The following NXPH1 variants were observed in gnomAD, a reference collection of about 807,000 sequenced individuals.
NXPH1 encodes the protein neurexophilin-1.
In NXPH1, 5 loss-of-function variants were observed where a neutral mutation model predicts 23.7. The observed-to-expected ratio is 0.21, with a 90% CI of 0.11 to 0.44. The LOEUF is 0.44. Among genes scored for constraint, NXPH1 ranks in the 20% least tolerant of loss-of-function variants. The pLI, the probability that NXPH1 is intolerant of heterozygous loss-of-function variation, is 0.99. For missense variants in NXPH1, 324 were observed against 321.6 expected, an observed-to-expected ratio of 1.01 and a Z score of -0.06; for synonymous variants, 144 against 122.2, an observed-to-expected ratio of 1.18 and a Z score of -1.18.
At chr7:8,579,563 G>A (rs1187279134) in intron 2 of NXPH1, among the ~76,000 whole-genome samples, 3 of 151,936 alleles carry the variant, frequency 2.0e-5, no homozygotes, top group Non-Finnish European at 4.4e-5. Flanking sequence ...GCAGAGACGG[G>A]GTTTCTCCAT....
chr7:8,681,263 GT>G (rs1490986840), intron 2 of NXPH1, among the ~76,000 whole-genome samples: 2 of 152,092 alleles, frequency 1.3e-5, no homozygotes, highest in Admixed American at 1.3e-4. Flanking sequence ...ATATATAAGC[GT>G]TTATCTTCCG....
At chr7:8,591,771 A>T (rs1338186314) in intron 2 of NXPH1, among the ~76,000 whole-genome samples, 3 of 151,852 alleles carry the variant, frequency 2.0e-5, no homozygotes, top group African/African-American at 7.3e-5. Context: ...ACAATTTTGA[A>T]ATTTCACTCA....
At position 8,683,741 on chromosome 7, in the gene NXPH1, T is replaced by C. The variant is rs370100741; in HGVS notation, c.55-67267T>C. Among the ~76,000 whole-genome samples, 34 of 152,292 alleles carry C rather than the reference T, an allele frequency of 2.2e-4. 1 individual carries two copies. The East Asian group carries it at 6.4e-3, about 29-fold the overall frequency. The stretch of plus-strand genomic sequence containing the variant: ...TTTGCACCAACATAATTTTTTTTGT[T>C]CTAGATCATCTTGTCACTTAACAAA... On this transcript the variant is annotated intron_variant, in intron 2 of 2. Transcript: ENST00000405863.
At chr7:8,702,732 T>G (rs940312320) in intron 2 of NXPH1, among the ~76,000 whole-genome samples, 1 of 152,068 alleles carries the variant, frequency 6.6e-6, no homozygotes, top group Admixed American at 6.6e-5. Flanking sequence ...AAGGCATAGG[T>G]GGTACTGTTA....
chr7:8,736,803 G>T (rs1780264908), intron 2 of NXPH1, among the ~76,000 whole-genome samples: 2 of 152,024 alleles, frequency 1.3e-5, no homozygotes, highest in African/African-American at 4.8e-5. Flanking sequence ...TATGAATATG[G>T]GTGCTCCTAT....
intron 2 of NXPH1, among the ~76,000 whole-genome samples, chr7:8,570,461 C>T (rs761737780): frequency 1.2e-4 from 18 of 152,108 alleles, no homozygotes; most frequent in Admixed American, 3.3e-4. Context: ...ATAACATACA[C>T]AGCACAGTAA....
At chr7:8,693,210 A>T (rs534736749) in intron 2 of NXPH1, among the ~76,000 whole-genome samples, 1 of 152,316 alleles carries the variant, frequency 6.6e-6, no homozygotes, top group East Asian at 1.9e-4. Flanking sequence ...AACAAACCTC[A>T]GTCTGTGAAC....
rs527296248 is a variant in NXPH1 at position 8,651,499 on chromosome 7, G to A, written c.55-99509G>A. 4.1e-3 allele frequency among the ~76,000 whole-genome samples: 615 copies of A among 150,514 alleles called. 2 individuals are homozygous for A. The highest frequency in any genetic ancestry group is 7.3e-3 in the Non-Finnish European group (495 of 67,696). ...TGGGTATATACCCAGTAATGGGATGGCTGGGTCAAATGGTATTTCTAGTTC... is the reference window on the plus strand; with the variant it reads ...TGGGTATATACCCAGTAATGGGATGACTGGGTCAAATGGTATTTCTAGTTC... On this transcript the variant is annotated intron_variant, in intron 2 of 2. Coordinates refer to ENST00000405863, the MANE Select transcript of NXPH1 (RefSeq NM_152745.3).
intron 2 of NXPH1, among the ~76,000 whole-genome samples, chr7:8,481,947 G>GC (rs1364748473): frequency 6.6e-6 from 1 of 152,130 alleles, no homozygotes; most frequent in Non-Finnish European, 1.5e-5. Context: ...AGCACCTGAT[G>GC]CCCCCTCTGG....
At chr7:8,599,904 A>T (rs150879854) in intron 2 of NXPH1, among the ~76,000 whole-genome samples, 1 of 151,106 alleles carries the variant, frequency 6.6e-6, no homozygotes, top group Non-Finnish European at 1.5e-5. Flanking sequence ...TCTTTCAGTC[A>T]TATTACGATA....
intron 2 of NXPH1, among the ~76,000 whole-genome samples, chr7:8,498,183 G>C (rs575342798): frequency 4.6e-5 from 7 of 151,988 alleles, no homozygotes; most frequent in Non-Finnish European, 7.4e-5. Context: ...TATTTAGATG[G>C]ACATCAGCTT....
chr7:8,621,864 A>G (rs1318344655), intron 2 of NXPH1, among the ~76,000 whole-genome samples: 3 of 152,108 alleles, frequency 2.0e-5, no homozygotes, highest in African/African-American at 7.2e-5. Flanking sequence ...TATTGTACCT[A>G]CCAACCAACC....
intron 2 of NXPH1, among the ~76,000 whole-genome samples, chr7:8,648,816 G>A (rs946554888): frequency 6.6e-6 from 1 of 152,040 alleles, no homozygotes; most frequent in Non-Finnish European, 1.5e-5. Context: ...CCCTTCCTTA[G>A]AAAGCCAAAA....
chr7:8,625,465 T>C (rs1819967223), intron 2 of NXPH1, among the ~76,000 whole-genome samples: 1 of 152,164 alleles, frequency 6.6e-6, no homozygotes, highest in African/African-American at 2.4e-5. Flanking sequence ...TCTGCTTAAA[T>C]GACAAACCTG....
intron 2 of NXPH1, among the ~76,000 whole-genome samples, chr7:8,638,013 C>G (rs536177229): frequency 2.0e-5 from 3 of 152,120 alleles, no homozygotes; most frequent in Non-Finnish European, 1.5e-5. Flanking sequence ...AATAAAAAGT[C>G]AGCTAAAGAA....
intron 2 of NXPH1, among the ~76,000 whole-genome samples, chr7:8,627,406 G>A (rs1317796588): frequency 6.6e-6 from 1 of 152,138 alleles, no homozygotes; most frequent in Non-Finnish European, 1.5e-5. Context: ...AATATGCAAT[G>A]TTCTTCAGTT....
chr7:8,722,971 G>A (rs1779993526), intron 2 of NXPH1, among the ~76,000 whole-genome samples: 1 of 152,150 alleles, frequency 6.6e-6, no homozygotes, highest in African/African-American at 2.4e-5. Context: ...GTCAAACTGT[G>A]TTTATTTACA....
chr7:8,501,207 T>C (rs1416361111), intron 2 of NXPH1, among the ~76,000 whole-genome samples: 1 of 152,084 alleles, frequency 6.6e-6, no homozygotes, highest in Admixed American at 6.6e-5. Context: ...CATAATATAA[T>C]GTGGCTATCA....
intron 2 of NXPH1, among the ~76,000 whole-genome samples, chr7:8,471,752 G>A (rs567001128): frequency 7.8e-4 from 119 of 152,120 alleles, no homozygotes; most frequent in Non-Finnish European, 1.4e-3. Context: ...AAACAAGTAC[G>A]CTATTACTCT....
Sources: gnomAD v4.1 joint callset for allele counts (sites outside exome capture counted in the v4.1 genomes callset) on GRCh38, gnomAD v4.1.1 for gene constraint, MANE v1.5 for transcripts, NCBI Gene and HGNC (gene_info 2026-07-23, HGNC 2026-07-21) for gene names.